CAMKMT: variants seen among roughly 807,000 people sequenced by gnomAD.
CAMKMT encodes the protein calmodulin-lysine N-methyltransferase.
In CAMKMT, 53 loss-of-function variants were observed where a neutral mutation model predicts 48.0. The observed-to-expected ratio is 1.10, with a 90% confidence interval of 0.89 to 1.39. The LOEUF (loss-of-function observed/expected upper bound fraction) is 1.39, where lower values mean the gene tolerates loss of function less well. Among genes scored for constraint, CAMKMT ranks in the 40% most tolerant of loss-of-function variants. The pLI, the probability that CAMKMT is intolerant of heterozygous loss-of-function variation, is 0.00. For missense variants in CAMKMT, 428 were observed against 402.7 expected (o/e 1.06, Z -0.54); for synonymous variants, 165 against 152.3 (o/e 1.08, Z -0.61).
intron 3 of CAMKMT, among the ~76,000 whole-genome samples, chr2:44,526,885 G>A (rs955330012): frequency 1.3e-5 from 2 of 151,970 alleles, no homozygotes; most frequent in African/African-American, 4.8e-5. Context: ...GTAAGATATA[G>A]TTCATACACA....
At chr2:44,631,624 T>C in intron 3 of CAMKMT, 1 of 473,434 alleles carries the variant, frequency 2.1e-6, no homozygotes, top group Non-Finnish European at 3.7e-6. Flanking sequence ...TTGCGGACAG[T>C]TGTATAGTTG....
At chr2:44,475,870 C>G (rs1382195267) in intron 3 of CAMKMT, among the ~76,000 whole-genome samples, 2 of 152,204 alleles carry the variant, frequency 1.3e-5, no homozygotes, top group African/African-American at 2.4e-5. Flanking sequence ...AGGGGAAAGT[C>G]TGTGACTGCA....
At chr2:44,366,528 T>A (rs991270228) in intron 1 of CAMKMT, among the ~76,000 whole-genome samples, 1 of 152,264 alleles carries the variant, frequency 6.6e-6, no homozygotes, top group Non-Finnish European at 1.5e-5. Context: ...TGGTAATAGT[T>A]GTCATATAAG....
chr2:44,378,467 ATTAAGTTTGT>A (rs1225403269), intron 2 of CAMKMT, among the ~76,000 whole-genome samples: 4 of 113,750 alleles, frequency 3.5e-5, no homozygotes, highest in Non-Finnish European at 5.5e-5. Flanking sequence ...AGCATCTAGA[ATTAAGTTTGT>A]TTGTTTGTTT....
intron 3 of CAMKMT, among the ~76,000 whole-genome samples, chr2:44,601,737 G>C (rs1211887017): frequency 6.6e-6 from 1 of 150,768 alleles, no homozygotes; most frequent in Non-Finnish European, 1.5e-5. Flanking sequence ...GTTTTTTTAA[G>C]TTATTTTTAA....
At chr2:44,689,269 TTTATTTATTTA>T (rs1676503372) in intron 3 of CAMKMT, among the ~76,000 whole-genome samples, 1 of 132,328 alleles carries the variant, frequency 7.6e-6, no homozygotes, top group African/African-American at 3.2e-5. Context: ...CTATTTTTTA[TTTATTTATTTA>T]TTTATTTATT....
intron 3 of CAMKMT, among the ~76,000 whole-genome samples, chr2:44,665,854 G>A (rs1473520491): frequency 1.3e-5 from 2 of 152,186 alleles, no homozygotes; most frequent in Non-Finnish European, 2.9e-5. Flanking sequence ...GAGCACCTGG[G>A]TAAGAACACT....
intron 2 of CAMKMT, among the ~76,000 whole-genome samples, chr2:44,375,986 C>G (rs1222874771): frequency 6.7e-6 from 1 of 149,822 alleles, no homozygotes; most frequent in South Asian, 2.3e-4. Flanking sequence ...CAGGGTTTCA[C>G]CATGTTGGGC....
intron 3 of CAMKMT, among the ~76,000 whole-genome samples, chr2:44,443,513 T>A (rs1666795799): frequency 6.6e-6 from 1 of 152,170 alleles, no homozygotes; most frequent in South Asian, 2.1e-4. Context: ...TGCTTAGTTT[T>A]GGAATTTAAT....
At chr2:44,750,447 G>A (rs1048836473) in intron 8 of CAMKMT, among the ~76,000 whole-genome samples, 4 of 152,140 alleles carry the variant, frequency 2.6e-5, no homozygotes, top group African/African-American at 7.2e-5. Flanking sequence ...TTGAGCCACC[G>A]TGCCCTGTCT....
chr2:44,405,122 A>G (rs1161015990), intron 3 of CAMKMT, among the ~76,000 whole-genome samples: 1 of 152,104 alleles, frequency 6.6e-6, no homozygotes, highest in Non-Finnish European at 1.5e-5. Flanking sequence ...TGTATATTAA[A>G]ATCTATCTAA....
rs770288370 is a variant in CAMKMT at position 44,754,062 on chromosome 2, C to G, written c.706C>G (p.Leu236Val). The change falls in exon 9 of 11, where the codon CTG becomes GTG. Residue 236 changes from leucine (L) to valine (V), a missense_variant. Coordinates refer to ENST00000378494, the MANE Select transcript of CAMKMT (RefSeq NM_024766.5). Reference protein sequence around the residue: ...DIVMCADCLFLDQYRASLVDA... With the variant: ...DIVMCADCLFVDQYRASLVDA... ...CTCTCTTCTCAATGTCAGCCTGTTTCTGGACCAGTACAGAGCCAGCCTTGT... is the reference window on the plus strand; with the variant it reads ...CTCTCTTCTCAATGTCAGCCTGTTTGTGGACCAGTACAGAGCCAGCCTTGT... The G allele has an allele frequency of 2.5e-6, 4 of 1,613,660 alleles. No individual in the cohort carries two copies. Among genetic ancestry groups the G allele is most frequent in the Admixed American group, 1.7e-5 (1 of 59,980 alleles).
intron 3 of CAMKMT, among the ~76,000 whole-genome samples, chr2:44,464,567 T>C (rs1006960115): frequency 6.6e-6 from 1 of 152,188 alleles, no homozygotes; most frequent in Non-Finnish European, 1.5e-5. Context: ...AAAGACAGAA[T>C]CTGCAAAGCA....
At chr2:44,765,905 C>T (rs1680822851) in intron 9 of CAMKMT, among the ~76,000 whole-genome samples, 1 of 152,182 alleles carries the variant, frequency 6.6e-6, no homozygotes, top group Admixed American at 6.5e-5. Context: ...TAGGGCAGGA[C>T]TGAAATATGA....
At chr2:44,575,290 G>C (rs1258281599) in intron 3 of CAMKMT, among the ~76,000 whole-genome samples, 2 of 151,548 alleles carry the variant, frequency 1.3e-5, no homozygotes, top group African/African-American at 4.9e-5. Flanking sequence ...TGTTGGCCAG[G>C]CTGATCTTGA....
chr2:44,460,285 T>C (rs1299085462), intron 3 of CAMKMT, among the ~76,000 whole-genome samples: 2 of 152,198 alleles, frequency 1.3e-5, no homozygotes, highest in Non-Finnish European at 2.9e-5. Flanking sequence ...GTAAATAACT[T>C]GTTTCAAAAT....
intron 3 of CAMKMT, among the ~76,000 whole-genome samples, chr2:44,601,119 A>C (rs1398230519): frequency 1.3e-5 from 2 of 152,292 alleles, no homozygotes; most frequent in African/African-American, 4.8e-5. Flanking sequence ...AAGTACCAAA[A>C]TATAGCCAGA....
chr2:44,704,210 C>T (rs1489271404), intron 3 of CAMKMT, 73 bp from the exon 4 acceptor site: 4 of 1,203,078 alleles, frequency 3.3e-6, no homozygotes, highest in South Asian at 1.4e-5. Context: ...TTGTACTGAA[C>T]ATTATTTTTA....
intron 3 of CAMKMT, among the ~76,000 whole-genome samples, chr2:44,586,259 A>G (rs1669852881): frequency 6.6e-6 from 1 of 152,226 alleles, no homozygotes; most frequent in Admixed American, 6.5e-5. Context: ...TTATTGAAGT[A>G]TAATTGATTT....
Sources: allele counts gnomAD v4.1 joint callset (sites outside exome capture counted in the v4.1 genomes callset), GRCh38; gene constraint gnomAD v4.1.1; transcripts MANE v1.5; gene names NCBI Gene and HGNC (gene_info 2026-07-23, HGNC 2026-07-21).